Variants in BRINP3 observed in about 807,000 individuals in gnomAD.
BRINP3 encodes the protein BMP/retinoic acid-inducible neural-specific protein 3.
BRINP3 carries 19 observed loss-of-function variants against 71.0 expected under a neutral mutation model. That is an observed-to-expected ratio of 0.27 (90% CI 0.19 to 0.39). The LOEUF is 0.39. Among genes scored for constraint, BRINP3 ranks in the 10% least tolerant of loss-of-function variants. BRINP3 has a pLI of 1.00. For synonymous variants in BRINP3, 380 were observed against 337.7 expected (o/e 1.13, Z -1.37); for missense variants, 959 against 940.8 (o/e 1.02, Z -0.25).
At chr1:190,383,980 A>G (rs1670716535) in intron 2 of BRINP3, among the ~76,000 whole-genome samples, 1 of 151,920 alleles carries the variant, frequency 6.6e-6, no homozygotes, top group African/African-American at 2.4e-5. Flanking sequence ...TCCCAGTTTT[A>G]CAGATGAAAA....
intron 2 of BRINP3, among the ~76,000 whole-genome samples, chr1:190,312,075 A>ATG (rs1553287449): frequency 1.5e-5 from 2 of 136,534 alleles, no homozygotes; most frequent in East Asian, 2.1e-4. Flanking sequence ...ATATATATAT[A>ATG]TGTATTTCTA....
At chr1:190,120,048 T>C (rs1189307455) in intron 7 of BRINP3, among the ~76,000 whole-genome samples, 1 of 152,228 alleles carries the variant, frequency 6.6e-6, no homozygotes, top group Non-Finnish European at 1.5e-5. Context: ...TAGACGAGCA[T>C]TGTTTTTACT....
intron 2 of BRINP3, among the ~76,000 whole-genome samples, chr1:190,428,689 TAAACA>T (rs1673888953): frequency 6.6e-6 from 1 of 152,084 alleles, no homozygotes; most frequent in Non-Finnish European, 1.5e-5. Flanking sequence ...AAAGCAATCA[TAAACA>T]TTTGAGATGA....
chr1:190,245,495 A>C (rs1349639950), intron 4 of BRINP3, among the ~76,000 whole-genome samples: 2 of 152,104 alleles, frequency 1.3e-5, no homozygotes, highest in Non-Finnish European at 2.9e-5. Context: ...CATATTATGC[A>C]GTGCTGCCCA....
intron 2 of BRINP3, among the ~76,000 whole-genome samples, chr1:190,326,945 C>CAAGGTTG (rs1315920972): frequency 6.6e-6 from 1 of 151,002 alleles, no homozygotes; most frequent in Non-Finnish European, 1.5e-5. Context: ...CAAAACCTCA[C>CAAGGTTG]ATATCAGTAT....
chr1:190,098,543 G>T lies in BRINP3; in HGVS notation c.1776C>A (p.Ser592Arg). The change falls in exon 8 of 8, where the codon AGC becomes AGA. Residue 592 changes from serine (S) to arginine (R), a missense_variant. Physicochemically the swap from Ser to Arg is moderately radical, Grantham distance 110 (BLOSUM62 -1). Coordinates refer to ENST00000367462, the MANE Select transcript of BRINP3 (RefSeq NM_199051.3). Reference sequence around the variant, plus strand: ...ACTTAGTCCGCTCCCAGTCTGGAAAGCTGTTTTCATTCACAGGCATAAACC... The same window carrying T: ...ACTTAGTCCGCTCCCAGTCTGGAAATCTGTTTTCATTCACAGGCATAAACC... ...ESWFMPVNEN[S>R]FPDWERTKLD... 6.2e-7 allele frequency: 1 copy of T among 1,614,166 alleles called. No homozygotes were observed. The highest frequency in any genetic ancestry group is 8.5e-7 in the Non-Finnish European group (1 of 1,180,018).
intron 6 of BRINP3, among the ~76,000 whole-genome samples, chr1:190,207,790 T>C (rs1655641768): frequency 6.6e-6 from 1 of 152,180 alleles, no homozygotes; most frequent in South Asian, 2.1e-4. Flanking sequence ...TTAGAAGAGA[T>C]ACAGACATGT....
chr1:190,449,042 A>G (rs1277116216), intron 2 of BRINP3, among the ~76,000 whole-genome samples: 1 of 151,964 alleles, frequency 6.6e-6, no homozygotes, highest in Non-Finnish European at 1.5e-5. Flanking sequence ...GTATTTATTT[A>G]TATCATCGGA....
At chr1:190,219,825 G>A in intron 6 of BRINP3, among the ~76,000 whole-genome samples, 1 of 149,934 alleles carries the variant, frequency 6.7e-6, no homozygotes, top group Non-Finnish European at 1.5e-5. Flanking sequence ...GTGACAGAGT[G>A]AGACTCCAAA....
chr1:190,191,864 C>T (rs1654066921), intron 6 of BRINP3, among the ~76,000 whole-genome samples: 1 of 151,916 alleles, frequency 6.6e-6, no homozygotes, highest in Non-Finnish European at 1.5e-5. Context: ...CAACATTGCT[C>T]CCCAATTTAA....
chr1:190,395,344 G>A (rs573435279), intron 2 of BRINP3, among the ~76,000 whole-genome samples: 2 of 151,720 alleles, frequency 1.3e-5, no homozygotes, highest in Non-Finnish European at 3.0e-5. Flanking sequence ...ACCTCCATAA[G>A]TACAGCTAAA....
At position 190,305,341 on chromosome 1, in the gene BRINP3, G is replaced by A. The variant is rs1364444135; in HGVS notation, c.237-23591C>T. On this transcript the variant is annotated intron_variant, in intron 2 of 7. Transcript: ENST00000367462. ...GCACTATTGACAATATCCAAGATAT[G>A]GAATCAATCCAAATGTCCATTAATT... 2.6e-5 allele frequency among the ~76,000 whole-genome samples: 4 copies of A among 151,646 alleles called. No homozygotes were observed. The Admixed American group carries it at 2.6e-4, about 10-fold the overall frequency.
At chr1:190,308,489 T>C (rs1278446260) in intron 2 of BRINP3, among the ~76,000 whole-genome samples, 1 of 151,176 alleles carries the variant, frequency 6.6e-6, no homozygotes, top group Non-Finnish European at 1.5e-5. Flanking sequence ...CTGGGGACTG[T>C]TGTAGGGTGG....
chr1:190,121,052 CA>C (rs1653607977), intron 7 of BRINP3, among the ~76,000 whole-genome samples: 1 of 151,968 alleles, frequency 6.6e-6, no homozygotes, highest in South Asian at 2.1e-4. Context: ...TGTTGTCAAC[CA>C]AAGTGAAAAT....
intron 1 of BRINP3, among the ~76,000 whole-genome samples, chr1:190,463,056 A>G (rs1194307791): frequency 1.3e-5 from 2 of 151,964 alleles, no homozygotes; most frequent in Non-Finnish European, 2.9e-5. Flanking sequence ...TTCATATTAC[A>G]TATGATATTT....
intron 4 of BRINP3, among the ~76,000 whole-genome samples, chr1:190,250,964 A>T (rs2102814296): frequency 6.6e-6 from 1 of 151,984 alleles, no homozygotes; most frequent in Middle Eastern, 3.4e-3. Context: ...CACAAGTAAT[A>T]CCAACAATTT....
intron 2 of BRINP3, among the ~76,000 whole-genome samples, chr1:190,367,067 T>C (rs191064705): frequency 6.6e-5 from 10 of 152,312 alleles, no homozygotes; most frequent in Admixed American, 5.9e-4. Flanking sequence ...ACAGCTCCAC[T>C]GGGTAGTGCC....
At chr1:190,292,681 GT>G (rs1307506704) in intron 2 of BRINP3, among the ~76,000 whole-genome samples, 4 of 152,000 alleles carry the variant, frequency 2.6e-5, no homozygotes, top group Non-Finnish European at 5.9e-5. Flanking sequence ...GAAGAGTAAA[GT>G]CTATTTTTGA....
In BRINP3 at chr1:190,224,198, A is replaced by G. The variant is rs137962928; in HGVS notation, c.961+1884T>C. 3.4e-3 allele frequency among the ~76,000 whole-genome samples: 514 copies of G among 152,024 alleles called. 1 individual carries two copies. Among genetic ancestry groups the G allele is most frequent in the Non-Finnish European group, 3.6e-3 (244 of 67,882 alleles). ...AATAACTAAAGTAATCATGAGCAAA[A>G]AAGAACAAAGCTAGAATCATCACAC... On this transcript the variant is annotated intron_variant, in intron 6 of 7. Transcript: ENST00000367462.
Sources: gnomAD v4.1 joint callset for allele counts (sites outside exome capture counted in the v4.1 genomes callset) on GRCh38, gnomAD v4.1.1 for gene constraint, MANE v1.5 for transcripts, NCBI Gene and HGNC (gene_info 2026-07-23, HGNC 2026-07-21) for gene names.